The following SIM2 variants were observed in gnomAD, a reference collection of about 807,000 sequenced individuals.
SIM2 encodes single-minded homolog 2.
SIM2 carries 28 observed loss-of-function variants against 64.8 expected under a neutral mutation model. The observed-to-expected ratio is 0.43, with a 90% CI of 0.32 to 0.59. The LOEUF (loss-of-function observed/expected upper bound fraction) is 0.59. Ranked by LOEUF, SIM2 falls within the 20% of genes least tolerant of loss-of-function variation. The pLI is 0.07. For synonymous variants in SIM2, 408 were observed against 391.1 expected (o/e 1.04, Z -0.51); for missense variants, 847 against 871.4 (o/e 0.97, Z 0.35).
chr21:36,719,147 A>T (rs1289952222), intron 3 of SIM2, among the ~76,000 whole-genome samples: 1 of 152,204 alleles, frequency 6.6e-6, no homozygotes, highest in Non-Finnish European at 1.5e-5. Context: ...CAGGGCACGC[A>T]CAGCCCCAGC....
chr21:36,742,005 T>TG (rs964821303), intron 8 of SIM2, 141 bp downstream of exon 8: 1 of 1,024,700 alleles, frequency 9.8e-7, no homozygotes, highest in African/African-American at 1.7e-5. Flanking sequence ...TTTTTAATTT[T>TG]TTTTTTTTAG....
chr21:36,730,465 G>A (rs916071676), intron 6 of SIM2, among the ~76,000 whole-genome samples: 3 of 152,160 alleles, frequency 2.0e-5, no homozygotes, highest in Non-Finnish European at 4.4e-5. Context: ...AGGCTACTGG[G>A]GGCTGGGCAG....
chr21:36,736,764 CCTTTCTT>C lies in SIM2; in HGVS notation c.851-4945_851-4939del, dbSNP rs1352813615. Among the ~76,000 whole-genome samples, 538 of 148,404 alleles carry C rather than the reference CCTTTCTT, an allele frequency of 3.6e-3. 4 individuals carry two copies. Among genetic ancestry groups the C allele is most frequent in the African/African-American group, 0.013 (518 of 39,278 alleles). The stretch of plus-strand genomic sequence containing the variant: ...TTCCCTTTCCTTTCCTCCCTCCCTC[CCTTTCTT>C]CTTTCTTTCTTTTCCTTCTTTCTTT... On this transcript the variant is annotated intron_variant, in intron 7 of 10. Transcript: ENST00000290399.
intron 3 of SIM2, among the ~76,000 whole-genome samples, chr21:36,719,257 G>A (rs765226692): frequency 1.3e-5 from 2 of 152,276 alleles, no homozygotes; most frequent in Non-Finnish European, 2.9e-5. Context: ...GGCAGCGCCT[G>A]AGGGGCACAG....
At chr21:36,743,632 T>TG in intron 9 of SIM2, 77 bp downstream of exon 9, 1 of 1,363,692 alleles carries the variant, frequency 7.3e-7, no homozygotes, top group Non-Finnish European at 1.0e-6. Context: ...CATTAAGGAA[T>TG]GGGGAGCCTC....
At position 36,719,938 on chromosome 21, in the gene SIM2, T is replaced by A. The variant is rs1219783616; in HGVS notation, c.457+9T>A. 1 of 1,536,104 alleles carries A rather than the reference T, an allele frequency of 6.5e-7. No homozygotes were observed. The highest frequency in any genetic ancestry group is 1.7e-5 in the Admixed American group (1 of 58,074). On this transcript the variant is annotated intron_variant, in intron 4 of 10. Coordinates refer to ENST00000290399, the MANE Select transcript of SIM2 (RefSeq NM_005069.6). The stretch of plus-strand genomic sequence containing the variant: ...CCACCACCTGCTCCAAGGTATTCCA[T>A]CCAGAGGGAAAAAAAAAAACAGACT...
In SIM2 at chr21:36,699,627, C is replaced by T; in HGVS notation, c.-120C>T. Reference sequence around the variant, plus strand: ...GAGGCCCCCCGCACCTGCCCGCGGCCCACTCCGCGGACTCACCTGGCTCCC... The same window carrying T: ...GAGGCCCCCCGCACCTGCCCGCGGCTCACTCCGCGGACTCACCTGGCTCCC... On this transcript the variant is annotated 5_prime_UTR_variant, in exon 1 of 11. Coordinates refer to ENST00000290399, the MANE Select transcript of SIM2 (RefSeq NM_005069.6). This position sits in a 1 kb window ranked among gnomAD's most constrained non-coding sequence, Gnocchi z 5.6. The T allele has an allele frequency of 8.7e-7, 1 of 1,143,342 alleles. No homozygotes were observed. The highest frequency in any genetic ancestry group is 1.2e-6 in the Non-Finnish European group (1 of 842,386). The allele number at this position is 1,143,342 out of a possible 1,614,324, so 70.8% of individuals were successfully genotyped here.
In SIM2 at chr21:36,741,727, G is replaced by A. The variant is rs2089161415; in HGVS notation, c.861G>A (p.Lys287=). The part of the protein sequence containing the change: ...LRYAHHLLLV[K]GQVTTKYYRL... ...ACCTTGTGCTTGCAGTGTTGGTGAA[G>A]GGCCAGGTCACCACCAAGTACTACC... is the stretch of plus-strand genomic sequence containing the variant. The change falls in exon 8 of 11, where the codon AAG becomes AAA. Residue 287 remains lysine (K), a synonymous_variant. Coordinates refer to ENST00000290399, the MANE Select transcript of SIM2 (RefSeq NM_005069.6). The A allele has an allele frequency of 6.2e-7, 1 of 1,613,078 alleles. No individual in the cohort carries two copies. Among genetic ancestry groups the A allele is most frequent in the Non-Finnish European group, 8.5e-7 (1 of 1,179,968 alleles).
At chr21:36,730,063 A>T (rs2088944736) in intron 6 of SIM2, among the ~76,000 whole-genome samples, 1 of 152,136 alleles carries the variant, frequency 6.6e-6, no homozygotes, top group Non-Finnish European at 1.5e-5. Context: ...GTCTGAACCA[A>T]TCCTCCCCTC....
rs1409972625 is a variant in SIM2, at chr21:36,731,067, G to A, written c.766G>A (p.Glu256Lys). The A allele has an allele frequency of 5.0e-6, 8 of 1,614,056 alleles. No homozygotes were observed. The highest frequency in any genetic ancestry group is 2.2e-5 in the South Asian group (2 of 91,074). ...DSRVTEVTGYEPQDLIEKTLY... is the reference protein window; with the variant it reads ...DSRVTEVTGYKPQDLIEKTLY... ...CAGGGTGACCGAGGTGACGGGGTAC[G>A]AGCCGCAGGACCTGATCGAGAAGAC... The change falls in exon 7 of 11, where the codon GAG (glutamate) becomes AAG (lysine). Residue 256 changes from glutamate to lysine, a missense_variant. Around this residue, in one of 3 missense-constraint regions of SIM2, gnomAD observed 397 missense variants for 439.2 expected, o/e 0.90. Transcript: ENST00000290399.
At chr21:36,727,642 C>A (rs899269984) in intron 6 of SIM2, among the ~76,000 whole-genome samples, 2 of 152,208 alleles carry the variant, frequency 1.3e-5, no homozygotes, top group African/African-American at 4.8e-5. Flanking sequence ...GGTTCCTCAG[C>A]TGTGCAGTCG....
intron 1 of SIM2, among the ~76,000 whole-genome samples, chr21:36,702,725 A>T (rs2088519926): frequency 6.6e-6 from 1 of 151,968 alleles, no homozygotes; most frequent in Admixed American, 6.6e-5. Context: ...TTGGAATAGG[A>T]TCTGTCTGAG....
intron 2 of SIM2, among the ~76,000 whole-genome samples, chr21:36,711,622 T>C (rs2088678590): frequency 6.6e-6 from 1 of 152,204 alleles, no homozygotes; most frequent in Admixed American, 6.5e-5. Flanking sequence ...AAAAATAGAA[T>C]TTGTGGCCAG....
At chr21:36,725,453 T>C (rs890760012) in intron 5 of SIM2, among the ~76,000 whole-genome samples, 3 of 152,200 alleles carry the variant, frequency 2.0e-5, no homozygotes, top group Non-Finnish European at 4.4e-5. Context: ...TCGTCAGTGA[T>C]GCAAGCACTG....
rs189262306 is a variant in SIM2 at position 36,745,574 on chromosome 21, T to C, written c.1576+438T>C. 4.3e-4 allele frequency: 482 copies of C among 1,110,388 alleles called. 1 individual carries two copies. In the African/African-American group the frequency reaches 7.2e-3, roughly 17 times the overall value. 68.8% of individuals were successfully genotyped at this position (1,110,388 alleles called of 1,614,324 possible). The stretch of plus-strand genomic sequence containing the variant: ...TATTTTCCCATGCCAGTTTTGGAAG[T>C]GGGGAAAACTATGGTGGAAATTTGT... On this transcript the variant is annotated intron_variant, in intron 10 of 10. Coordinates refer to ENST00000290399, the MANE Select transcript of SIM2 (RefSeq NM_005069.6). This position sits in a 1 kb window ranked among gnomAD's most constrained non-coding sequence, Gnocchi z 4.8.
chr21:36,741,959 C>T (rs145133721), intron 8 of SIM2, 95 bp downstream of exon 8: 22,500 of 1,224,268 alleles, frequency 0.018, 242 homozygotes, highest in Middle Eastern at 0.053. Context: ...TTCTCTCTTT[C>T]TCAAACTGTT....
At position 36,726,913 on chromosome 21, in the gene SIM2, T is replaced by G. The variant is rs2854046; in HGVS notation, c.743+595T>G. 0.21 allele frequency among the ~76,000 whole-genome samples: 31,719 copies of G among 152,078 alleles called. 7,215 individuals carry two copies. Among genetic ancestry groups the G allele is most frequent in the African/African-American group, 0.57 (23,729 of 41,436 alleles). The stretch of plus-strand genomic sequence containing the variant: ...GGTCATTTCTCCTGGCCTTGGGGAG[T>G]ACCTCTCTCCAGACCCGTGCTGGAG... On this transcript the variant is annotated intron_variant, in intron 6 of 10. Transcript: ENST00000290399. This position sits in a 1 kb window ranked among gnomAD's most constrained non-coding sequence, Gnocchi z 4.5.
Position 36,749,233 on chromosome 21 carries a change from C to T in SIM2, c.*1141C>T, listed in dbSNP as rs2089289554. ...TTAAAGATCTCAACATGGAAAAATC[C>T]TGTCATGGCTCTGAACTGCACAATG... On this transcript the variant is annotated 3_prime_UTR_variant, in exon 11 of 11. Transcript: ENST00000290399. 6.6e-6 allele frequency: 1 copy of T among 152,648 alleles called. No homozygotes were observed. The highest frequency in any genetic ancestry group is 1.5e-5 in the Non-Finnish European group (1 of 68,042). The allele number at this position is 152,648 out of a possible 1,614,324, so 9.5% of individuals were successfully genotyped here. A position where few individuals can be genotyped will look rare whatever the true frequency, so the allele number is the denominator to read the frequency against.
chr21:36,713,964 G>T (rs1045858909), intron 3 of SIM2, among the ~76,000 whole-genome samples: 1 of 152,228 alleles, frequency 6.6e-6, no homozygotes, highest in Non-Finnish European at 1.5e-5. Flanking sequence ...TTGTGCCTAT[G>T]TGACTCGTGG....
Sources: gnomAD v4.1 joint callset for allele counts (sites outside exome capture counted in the v4.1 genomes callset) on GRCh38, gnomAD v4.1.1 for gene constraint, gnomAD v4.1.1 regional missense constraint, Gnocchi (gnomAD v3.1) non-coding constraint, MANE v1.5 for transcripts, NCBI Gene and HGNC (gene_info 2026-07-23, HGNC 2026-07-21) for gene names.